NDUFAF6: variants seen among roughly 807,000 people sequenced by gnomAD.
NDUFAF6 encodes NADH dehydrogenase (ubiquinone) complex I, assembly factor 6.
Under a neutral mutation model 40.8 loss-of-function variants are expected in NDUFAF6, and 45 were observed. The ratio of observed to expected loss-of-function variants is 1.10; its 90% confidence interval spans 0.87 to 1.42. The LOEUF (loss-of-function observed/expected upper bound fraction) is 1.42. Ranked by LOEUF, NDUFAF6 falls within the 40% of genes most tolerant of loss-of-function variation. The probability of loss-of-function intolerance (pLI) is 0.00; values close to 1 mark genes in which losing one functional copy is unlikely to be tolerated. For synonymous variants in NDUFAF6, 185 were observed against 155.9 expected (o/e 1.19, Z -1.39); for missense variants, 435 against 418.5 (o/e 1.04, Z -0.34).
intron 1 of NDUFAF6, among the ~76,000 whole-genome samples, chr8:94,979,831 A>C (rs1427260399): frequency 6.6e-6 from 1 of 152,254 alleles, no homozygotes; most frequent in Non-Finnish European, 1.5e-5. Flanking sequence ...ACCATGGCTT[A>C]CGCCTGTAAT....
chr8:94,935,383 G>T (rs1001529965), intron 1 of NDUFAF6, among the ~76,000 whole-genome samples: 6 of 152,138 alleles, frequency 3.9e-5, no homozygotes, highest in Non-Finnish European at 7.4e-5. Flanking sequence ...GGGTAATGGG[G>T]TTTACTTTAG....
At chr8:94,944,849 G>A (rs779330560) in intron 1 of NDUFAF6, among the ~76,000 whole-genome samples, 1 of 152,006 alleles carries the variant, frequency 6.6e-6, no homozygotes, top group African/African-American at 2.4e-5. Context: ...GAATCACCTC[G>A]TCACTCTCTT....
At chr8:95,088,394 C>A (rs1283631117) in intron 2 of NDUFAF6, among the ~76,000 whole-genome samples, 1 of 152,212 alleles carries the variant, frequency 6.6e-6, no homozygotes, top group African/African-American at 2.4e-5. Flanking sequence ...ACCTTCCCCA[C>A]GTTGAGCTAG....
At chr8:95,044,121 A>T (rs1830451483) in intron 4 of NDUFAF6, among the ~76,000 whole-genome samples, 1 of 152,244 alleles carries the variant, frequency 6.6e-6, no homozygotes. Context: ...AAGAAGCCAG[A>T]TACAAAAAGC....
upstream of NDUFAF6, among the ~76,000 whole-genome samples, chr8:95,098,976 C>A (rs1012726974): frequency 6.6e-6 from 1 of 151,804 alleles, no homozygotes; most frequent in Non-Finnish European, 1.5e-5. Context: ...TGTGGTGGCT[C>A]ACGCCTGTAA....
intron 2 of NDUFAF6, among the ~76,000 whole-genome samples, chr8:94,997,343 C>CACACAGAG (rs1242904810): frequency 0.035 from 3,175 of 90,396 alleles, 84 homozygotes; most frequent in East Asian, 0.047. Flanking sequence ...CACACACACA[C>CACACAGAG]AGAGAGAGAG....
At chr8:95,003,351 C>T (rs532337373) in intron 2 of NDUFAF6, among the ~76,000 whole-genome samples, 18 of 152,178 alleles carry the variant, frequency 1.2e-4, no homozygotes, top group Non-Finnish European at 2.5e-4. Flanking sequence ...ACTTACGTCA[C>T]GGAGAGGGCA....
chr8:94,919,122 T>C (rs1464483802), intron 1 of NDUFAF6, among the ~76,000 whole-genome samples: 1 of 152,196 alleles, frequency 6.6e-6, no homozygotes, highest in African/African-American at 2.4e-5. Context: ...CTTACCCCAA[T>C]AGATGACTAG....
intron 1 of NDUFAF6, among the ~76,000 whole-genome samples, chr8:94,967,968 G>T (rs900991584): frequency 2.0e-5 from 3 of 151,016 alleles, no homozygotes; most frequent in East Asian, 1.9e-4. Flanking sequence ...GTCAGCTGGG[G>T]CTACAGTCAT....
intron 2 of NDUFAF6, among the ~76,000 whole-genome samples, chr8:94,948,139 T>G (rs1822178062): frequency 6.6e-6 from 1 of 152,216 alleles, no homozygotes; most frequent in African/African-American, 2.4e-5. Context: ...TAATCCACTC[T>G]GTATTGGAAT....
At chr8:94,901,096 A>G (rs968172708) in intron 1 of NDUFAF6, among the ~76,000 whole-genome samples, 1 of 152,160 alleles carries the variant, frequency 6.6e-6, no homozygotes, top group Non-Finnish European at 1.5e-5. Context: ...TGAGCAGAGA[A>G]CTATGAAGAG....
downstream of NDUFAF6, among the ~76,000 whole-genome samples, chr8:95,062,785 T>C (rs540721772): frequency 9.3e-4 from 142 of 152,232 alleles, 1 homozygote; most frequent in Non-Finnish European, 1.4e-3. Flanking sequence ...CAATGTTTTA[T>C]TTGTCTTTGT....
chr8:95,039,310 G>A (rs111981087), intron 3 of NDUFAF6, among the ~76,000 whole-genome samples: 3 of 152,038 alleles, frequency 2.0e-5, no homozygotes, highest in Admixed American at 6.5e-5. Context: ...AAAATTAGCC[G>A]GGCGTAGTGG....
At chr8:95,021,251 G>A (rs978051668), upstream of NDUFAF6, among the ~76,000 whole-genome samples, 25 of 152,150 alleles carry the variant, frequency 1.6e-4, no homozygotes, top group African/African-American at 6.0e-4. Flanking sequence ...TTAAAGGCTG[G>A]GGATTTGGGA....
intron 5 of NDUFAF6, among the ~76,000 whole-genome samples, 161 bp downstream of exon 5, chr8:95,045,808 G>T (rs1046867565): frequency 2.0e-5 from 3 of 152,034 alleles, no homozygotes; most frequent in African/African-American, 7.2e-5. Flanking sequence ...GCAAGAAGAA[G>T]AATTTATATC....
At chr8:94,932,804 AAAAT>A (rs1820554062) in intron 1 of NDUFAF6, among the ~76,000 whole-genome samples, 1 of 152,322 alleles carries the variant, frequency 6.6e-6, no homozygotes, top group African/African-American at 2.4e-5. Flanking sequence ...CTCCGTCTCA[AAAAT>A]AAAAAAAAAA....
At chr8:94,984,649 G>T (rs989448217) in intron 2 of NDUFAF6, among the ~76,000 whole-genome samples, 1 of 152,172 alleles carries the variant, frequency 6.6e-6, no homozygotes, top group African/African-American at 2.4e-5. Flanking sequence ...ATCCACAGTT[G>T]TTTGGAAGAC....
intron 2 of NDUFAF6, among the ~76,000 whole-genome samples, chr8:94,986,989 A>T (rs1825943378): frequency 6.6e-6 from 1 of 152,218 alleles, no homozygotes; most frequent in Non-Finnish European, 1.5e-5. Flanking sequence ...GAACACCATT[A>T]TGAATAGATG....
intron 9 of NDUFAF6, among the ~76,000 whole-genome samples, chr8:95,069,417 T>A (rs943675705): frequency 6.6e-6 from 1 of 151,936 alleles, no homozygotes; most frequent in African/African-American, 2.4e-5. Flanking sequence ...TTATATGCAC[T>A]CGTATGATGG....
Sources: gnomAD v4.1 joint callset for allele counts (sites outside exome capture counted in the v4.1 genomes callset) on GRCh38, gnomAD v4.1.1 for gene constraint, MANE v1.5 for transcripts, NCBI Gene and HGNC (gene_info 2026-07-23, HGNC 2026-07-21) for gene names.